The following KCNH3 variants were observed in gnomAD, a reference collection of about 807,000 sequenced individuals.
The protein encoded by KCNH3 is potassium voltage-gated channel subfamily H member 3, also known as voltage-gated inwardly rectifying potassium channel KCNH3.
Under a neutral mutation model 95.6 loss-of-function variants are expected in KCNH3, and 36 were observed. The ratio of observed to expected loss-of-function variants is 0.38; its 90% CI spans 0.29 to 0.50. The LOEUF (loss-of-function observed/expected upper bound fraction) is 0.50. Ranked by LOEUF, KCNH3 falls within the 20% of genes least tolerant of loss-of-function variation. The pLI is 0.95. For synonymous variants in KCNH3, 620 were observed against 646.3 expected, an observed-to-expected ratio of 0.96 and a Z score of 0.62; for missense variants, 1,030 against 1,484.1, an observed-to-expected ratio of 0.69 and a Z score of 5.03.
At position 49,539,468 on chromosome 12, in the gene KCNH3, A is replaced by G. The variant is rs1200568693; in HGVS notation, c.52A>G (p.Ile18Val). ...LAPQNTFLDT[I>V]ATRFDGTHSN... ...GCCGCAGAACACCTTCCTGGACACC[A>G]TCGCTACGCGCTTCGACGGCACGCG... The change falls in exon 1 of 15, where the codon ATC (isoleucine) becomes GTC (valine). Residue 18 changes from isoleucine (I) to valine (V), a missense_variant. Ile to Val is a conservative substitution (Grantham distance 29). This residue lies in a region of KCNH3 where 26 missense variants were observed against 35.1 expected (regional missense o/e 0.74). Transcript: ENST00000257981. This position sits in a 1 kb window ranked among gnomAD's most constrained non-coding sequence, Gnocchi z 6.7. The G allele has an allele frequency of 5.7e-6, 9 of 1,586,846 alleles. No individual in the cohort carries two copies. Among genetic ancestry groups the G allele is most frequent in the African/African-American group, 2.8e-5 (2 of 72,398 alleles).
chr12:49,553,080 T>G (rs1194829979), intron 10 of KCNH3, among the ~76,000 whole-genome samples: 2 of 152,134 alleles, frequency 1.3e-5, no homozygotes, highest in Admixed American at 1.3e-4. Flanking sequence ...GTGGTTGAGC[T>G]GCCTTGAGGG....
Position 49,556,453 on chromosome 12 carries a change from G to A in KCNH3, c.2552G>A (p.Ser851Asn), listed in dbSNP as rs1237326500. ...GTGGGCCAGTCTGGCCCGGAATGTA[G>A]CAGCAGCCCCTCCCCTGGACCAGGT... ...FRVGQSGPEC[S>N]SSPSPGPESG... The change falls in exon 13 of 15, where the codon AGC (serine) becomes AAC (asparagine). Residue 851 changes from serine to asparagine, a missense_variant. Ser to Asn is a conservative substitution (Grantham distance 46). Coordinates refer to ENST00000257981, the MANE Select transcript of KCNH3 (RefSeq NM_012284.3). 1 of 1,613,890 alleles carries A rather than the reference G, an allele frequency of 6.2e-7. No homozygotes were observed. The highest frequency in any genetic ancestry group is 1.7e-5 in the Admixed American group (1 of 60,018).
rs982175196 is a variant in KCNH3 at position 49,540,887 on chromosome 12, G to A, written c.77-12G>A. On this transcript the variant is annotated splice_polypyrimidine_tract_variant and intron_variant, in intron 1 of 14. Coordinates refer to ENST00000257981, the MANE Select transcript of KCNH3 (RefSeq NM_012284.3). ...TCACCCCACGCCTCCTCTGAGAAGT[G>A]CTCTCTTGCAGACAGTAACTTCGTG... 1.2e-6 allele frequency: 2 copies of A among 1,610,808 alleles called. No individual in the cohort carries two copies.
chr12:49,557,179 A>G lies in KCNH3; in HGVS notation c.2576-4A>G. The G allele has an allele frequency of 1.2e-6, 2 of 1,613,782 alleles. No individual in the cohort carries two copies. Among genetic ancestry groups the G allele is most frequent in the Non-Finnish European group, 1.7e-6 (2 of 1,179,912 alleles). On this transcript the variant is annotated splice_region_variant and splice_polypyrimidine_tract_variant and intron_variant, in intron 13 of 14. Transcript: ENST00000257981. ...AGCTGATAACCCCATCCTACTACCCACAGAGAGCGGCCTGCTCACTGTTCC... is the reference window on the plus strand; with the variant it reads ...AGCTGATAACCCCATCCTACTACCCGCAGAGAGCGGCCTGCTCACTGTTCC...
Position 49,549,574 on chromosome 12 carries a change from C to G in KCNH3, c.1602C>G (p.Leu534=). Residue 534 remains leucine (L), a synonymous_variant, in exon 9 of 15, where the codon CTC becomes CTG. Coordinates refer to ENST00000257981, the MANE Select transcript of KCNH3 (RefSeq NM_012284.3). ...GCATCCACCGTATCCCCAAGCCCCT[C>G]AAGCAGCGCATGCTGGAGTACTTCC... ...YIRIHRIPKP[L]KQRMLEYFQA... 1.2e-6 allele frequency: 2 copies of G among 1,613,330 alleles called. No individual in the cohort carries two copies. The highest frequency in any genetic ancestry group is 1.7e-6 in the Non-Finnish European group (2 of 1,180,042).
At position 49,544,184 on chromosome 12, in the gene KCNH3, G is replaced by T. The variant is rs1342437687; in HGVS notation, c.991G>T (p.Ala331Ser). The change falls in exon 7 of 15, where the codon GCC (alanine) becomes TCC (serine). Residue 331 changes from alanine (A) to serine (S), a missense_variant. Coordinates refer to ENST00000257981, the MANE Select transcript of KCNH3 (RefSeq NM_012284.3). Reference sequence around the variant, plus strand: ...CCTCCCCGCATCTCAGTACTTCGGGGCCCATCTGCTGAAGACGGTGCGCCT... The same window carrying T: ...CCTCCCCGCATCTCAGTACTTCGGGTCCCATCTGCTGAAGACGGTGCGCCT... The part of the protein sequence containing the change: ...HAFKVNVYFG[A>S]HLLKTVRLLR... 1 of 1,586,460 alleles carries T rather than the reference G, an allele frequency of 6.3e-7. No homozygotes were observed. Among genetic ancestry groups the T allele is most frequent in the Non-Finnish European group, 8.5e-7 (1 of 1,172,886 alleles).
intron 7 of KCNH3, 121 bp from the exon 8 acceptor site, chr12:49,548,773 GA>G: frequency 9.7e-7 from 1 of 1,032,710 alleles, no homozygotes; most frequent in Non-Finnish European, 1.4e-6. Flanking sequence ...GGCTGGCAGT[GA>G]AGGGGCAAAG....
At chr12:49,551,518 G>A (rs1938257948) in intron 10 of KCNH3, among the ~76,000 whole-genome samples, 1 of 145,468 alleles carries the variant, frequency 6.9e-6, no homozygotes, top group Non-Finnish European at 1.5e-5. Context: ...GGAGACTGCA[G>A]TGAGCCAAGA....
intron 10 of KCNH3, among the ~76,000 whole-genome samples, chr12:49,551,808 G>A (rs920731033): frequency 6.6e-6 from 1 of 152,158 alleles, no homozygotes; most frequent in Non-Finnish European, 1.5e-5. Flanking sequence ...CTGGGGCTGA[G>A]GTTTCTCATT....
chr12:49,557,486 G>T lies in KCNH3; in HGVS notation c.2785G>T (p.Ala929Ser). The change falls in exon 15 of 15, where the codon GCC becomes TCC. Residue 929 changes from alanine (A) to serine (S), a missense_variant. This residue lies in a region of KCNH3 where 464 missense variants were observed against 493.2 expected (regional missense o/e 0.94). Transcript: ENST00000257981. Reference sequence around the variant, plus strand: ...GGCATCGGGAGAGGGGCCGTGCCCAGCCAGCACCTCCGGGCTTCTGCAGCC... The same window carrying T: ...GGCATCGGGAGAGGGGCCGTGCCCATCCAGCACCTCCGGGCTTCTGCAGCC... ...PRASGEGPCP[A>S]STSGLLQPLC... 1 of 1,611,586 alleles carries T rather than the reference G, an allele frequency of 6.2e-7. No homozygotes were observed.
chr12:49,548,829 C>T (rs1446752723), intron 7 of KCNH3, 66 bp from the exon 8 acceptor site: 10 of 1,463,148 alleles, frequency 6.8e-6, no homozygotes, highest in Non-Finnish European at 9.1e-6. Context: ...GTGTCCCCAC[C>T]CCCAGGGCCC....
At chr12:49,550,048 AC>A (rs769229912) in intron 9 of KCNH3, 31 bp from the exon 10 acceptor site, 160 of 800,310 alleles carry the variant, frequency 2.0e-4, no homozygotes, top group Non-Finnish European at 2.7e-4. Flanking sequence ...GCCACTCCCA[AC>A]CCCCCCACCC....
intron 10 of KCNH3, among the ~76,000 whole-genome samples, chr12:49,552,964 C>T (rs1463984421): frequency 1.8e-4 from 27 of 152,134 alleles, no homozygotes; most frequent in Admixed American, 1.8e-3. Context: ...AGTCCAGGAA[C>T]ATGTAGAGGA....
At chr12:49,555,581 G>T in intron 11 of KCNH3, 39 bp from the exon 12 acceptor site, 1 of 1,358,814 alleles carries the variant, frequency 7.4e-7, no homozygotes, top group South Asian at 1.4e-5. Context: ...ACACAATAGT[G>T]ACCATCCATG....
chr12:49,551,204 G>A (rs1938245457), intron 10 of KCNH3, among the ~76,000 whole-genome samples: 1 of 152,218 alleles, frequency 6.6e-6, no homozygotes, highest in Non-Finnish European at 1.5e-5. Flanking sequence ...CGTTAGGAGG[G>A]TTGGACCTGC....
At chr12:49,547,915 C>T (rs971923613) in intron 7 of KCNH3, among the ~76,000 whole-genome samples, 1 of 152,134 alleles carries the variant, frequency 6.6e-6, no homozygotes, top group African/African-American at 2.4e-5. Context: ...ATCTTGGGAT[C>T]CCCCATCCAA....
In KCNH3 at chr12:49,539,121, A is replaced by AGCCGCT. The variant is rs1242344686; in HGVS notation, c.-290_-285dup. On this transcript the variant is annotated 5_prime_UTR_variant, in exon 1 of 15. Transcript: ENST00000257981. The surrounding 1 kb of genome is among the most constrained non-coding windows in gnomAD (Gnocchi z 6.7). ...GAAGCCCACCCGCAGCCGACACGCGAGCCGCTGCCGCGGCGGGAGGTGCTG... is the reference window on the plus strand; with the variant it reads ...GAAGCCCACCCGCAGCCGACACGCGAGCCGCTGCCGCTGCCGCGGCGGGAGGTGCTG... 6.5e-6 allele frequency: 1 copy of AGCCGCT among 152,932 alleles called. No individual in the cohort carries two copies. Among genetic ancestry groups the AGCCGCT allele is most frequent in the East Asian group, 1.9e-4 (1 of 5,194 alleles). 9.5% of individuals were successfully genotyped at this position (152,932 alleles called of 1,614,324 possible).
chr12:49,555,544 G>A, intron 11 of KCNH3, 76 bp from the exon 12 acceptor site: 1 of 891,932 alleles, frequency 1.1e-6, no homozygotes, highest in Non-Finnish European at 1.7e-6. Flanking sequence ...CAGGGTAGAT[G>A]AAGCCTTGGT....
At chr12:49,547,870 C>A (rs1938113087) in intron 7 of KCNH3, among the ~76,000 whole-genome samples, 1 of 152,140 alleles carries the variant, frequency 6.6e-6, no homozygotes, top group Non-Finnish European at 1.5e-5. Flanking sequence ...CTCCCTTGCA[C>A]CCCATGGCCC....
Sources: allele counts gnomAD v4.1 joint callset (sites outside exome capture counted in the v4.1 genomes callset), GRCh38; gene constraint gnomAD v4.1.1; regional missense constraint gnomAD v4.1.1; non-coding constraint Gnocchi (gnomAD v3.1); transcripts MANE v1.5; gene names NCBI Gene and HGNC (gene_info 2026-07-23, HGNC 2026-07-21).